Variants in KIF27 observed in about 807,000 individuals in gnomAD.
The protein encoded by KIF27 is kinesin-like protein KIF27.
KIF27 carries 84 observed loss-of-function variants against 141.8 expected under a neutral mutation model. That is an observed-to-expected ratio of 0.59 (90% confidence interval 0.50 to 0.71). KIF27 has a LOEUF of 0.71. KIF27 is among the 30% of genes least tolerant of loss of function. KIF27 has a pLI of 0.00. For missense variants in KIF27, 1,306 were observed against 1,628.4 expected, an observed-to-expected ratio of 0.80 and a Z score of 3.41; for synonymous variants, 471 against 569.5, an observed-to-expected ratio of 0.83 and a Z score of 2.46.
rs1014243000 is a variant in KIF27 at position 83,921,359 on chromosome 9, C to G, written c.-88+12G>C. On this transcript the variant is annotated intron_variant, in intron 1 of 17. Coordinates refer to ENST00000297814, the MANE Select transcript of KIF27 (RefSeq NM_017576.4). ...TTCCCCGCACCGCCCGCCAGGCCCG[C>G]CGAGCACTGACCGGCTCGGGACAGC... 6.6e-6 allele frequency: 1 copy of G among 152,086 alleles called. No individual in the cohort carries two copies. The highest frequency in any genetic ancestry group is 1.5e-5 in the Non-Finnish European group (1 of 68,056). The allele number at this position is 152,086 out of a possible 1,614,324, so 9.4% of individuals were successfully genotyped here. A position where few individuals can be genotyped will look rare whatever the true frequency, so the allele number is the denominator to read the frequency against.
intron 11 of KIF27, 75 bp from the exon 12 acceptor site, chr9:83,870,707 CTTTTTTTTTTTTT>C: frequency 7.9e-7 from 1 of 1,260,756 alleles, no homozygotes; most frequent in Non-Finnish European, 1.0e-6. Context: ...CAATTATTTT[CTTTTTTTTTTTTT>C]TTTTTTTGGA....
chr9:83,867,882 A>G (rs753968315), intron 12 of KIF27, 22 bp from the exon 13 acceptor site: 1 of 1,556,982 alleles, frequency 6.4e-7, no homozygotes, highest in African/African-American at 1.4e-5. Flanking sequence ...TTAAAAAAAA[A>G]GTTACTTGTT....
intron 16 of KIF27, chr9:83,847,720 A>G (rs946244768): frequency 3.3e-5 from 5 of 152,088 alleles, no homozygotes; most frequent in African/African-American, 7.2e-5. Context: ...TAAGCTGCCA[A>G]TGAATATAAA....
intron 6 of KIF27, among the ~76,000 whole-genome samples, chr9:83,890,836 CCACA>C (rs202163089): frequency 2.6e-5 from 4 of 152,166 alleles, no homozygotes; most frequent in Non-Finnish European, 5.9e-5. Context: ...TATTTACCAA[CCACA>C]CACAAACTAA....
intron 5 of KIF27, among the ~76,000 whole-genome samples, chr9:83,891,752 G>A (rs1290113386): frequency 7.2e-5 from 11 of 152,024 alleles, no homozygotes; most frequent in Admixed American, 5.2e-4. Context: ...AAGATAACAC[G>A]CCATCCACTG....
chr9:83,871,924 A>G (rs889535630), intron 11 of KIF27, among the ~76,000 whole-genome samples: 9 of 150,192 alleles, frequency 6.0e-5, no homozygotes, highest in African/African-American at 2.2e-4. Context: ...CTGGTCTCGA[A>G]CTCCTGACCT....
Position 83,903,753 on chromosome 9 carries a change from C to G in KIF27, c.765G>C (p.Gly255=). 1.9e-6 allele frequency: 3 copies of G among 1,614,184 alleles called. No individual in the cohort carries two copies. The highest frequency in any genetic ancestry group is 2.5e-6 in the Non-Finnish European group (3 of 1,180,038). The part of the protein sequence containing the change: ...LAGSERVTKT[G]NTGERFKESI... The stretch of plus-strand genomic sequence containing the variant: ...ATTCTTTGAACCGTTCACCAGTATT[C>G]CCCGTTTTGGTTACTCTTTCTGATC... The change falls in exon 4 of 18, where the codon GGG becomes GGC. Residue 255 remains glycine (G), a synonymous_variant. Transcript: ENST00000297814.
At chr9:83,851,922 G>T (rs1326285984) in intron 15 of KIF27, among the ~76,000 whole-genome samples, 1 of 151,802 alleles carries the variant, frequency 6.6e-6, no homozygotes, top group African/African-American at 2.4e-5. Flanking sequence ...GAGGTCAGGA[G>T]TTTGAGACCA....
intron 1 of KIF27, among the ~76,000 whole-genome samples, chr9:83,920,988 T>C (rs1956215917): frequency 6.6e-6 from 1 of 152,032 alleles, no homozygotes. Flanking sequence ...GCGTCGCACC[T>C]CACGCCGTGC....
At chr9:83,896,029 A>G in intron 5 of KIF27, among the ~76,000 whole-genome samples, 1 of 130,818 alleles carries the variant, frequency 7.6e-6, no homozygotes, top group Non-Finnish European at 1.6e-5. Flanking sequence ...TCCAGCCTGG[A>G]TGACAGAGTG....
intron 17 of KIF27, among the ~76,000 whole-genome samples, chr9:83,840,357 TA>T (rs2131476729): frequency 6.6e-6 from 1 of 152,280 alleles, no homozygotes; most frequent in African/African-American, 2.4e-5. Context: ...TCTCCAACGT[TA>T]TTATCAAGAC....
chr9:83,908,721 T>A (rs1387170160), intron 2 of KIF27, 69 bp from the exon 3 acceptor site: 1 of 918,148 alleles, frequency 1.1e-6, no homozygotes, highest in Non-Finnish European at 1.6e-6. Flanking sequence ...CCCAAATTTA[T>A]AGTTAATTTA....
intron 11 of KIF27, 80 bp from the exon 12 acceptor site, chr9:83,870,712 T>A: frequency 7.3e-7 from 1 of 1,364,236 alleles, no homozygotes; most frequent in Non-Finnish European, 9.7e-7. Context: ...ATTTTCTTTT[T>A]TTTTTTTTTT....
intron 2 of KIF27, among the ~76,000 whole-genome samples, chr9:83,909,064 C>A (rs1245852457): frequency 6.6e-6 from 1 of 152,156 alleles, no homozygotes; most frequent in Non-Finnish European, 1.5e-5. Context: ...TAGGACTCTG[C>A]AATCCACCAA....
intron 1 of KIF27, among the ~76,000 whole-genome samples, chr9:83,917,079 C>T (rs1259867119): frequency 6.6e-6 from 1 of 151,872 alleles, no homozygotes; most frequent in Non-Finnish European, 1.5e-5. Flanking sequence ...GTGTGCTGCA[C>T]CCATTAACTT....
At chr9:83,879,088 G>A (rs1247837803) in intron 11 of KIF27, among the ~76,000 whole-genome samples, 5 of 150,156 alleles carry the variant, frequency 3.3e-5, no homozygotes, top group Admixed American at 2.7e-4. Flanking sequence ...TGAGGCAGGA[G>A]AATCACTTGA....
intron 13 of KIF27, 65 bp downstream of exon 13, chr9:83,867,619 G>A: frequency 6.8e-7 from 1 of 1,470,196 alleles, no homozygotes; most frequent in Non-Finnish European, 9.0e-7. Flanking sequence ...TCTGATTATA[G>A]CCATCCTAGT....
intron 11 of KIF27, among the ~76,000 whole-genome samples, chr9:83,877,138 A>G (rs1951265727): frequency 6.6e-6 from 1 of 152,204 alleles, no homozygotes; most frequent in African/African-American, 2.4e-5. Context: ...ACATAGTGAA[A>G]TGATTACTAT....
Position 83,899,683 on chromosome 9 carries a change from G to C in KIF27, c.1580C>G (p.Ala527Gly), listed in dbSNP as rs550945409. The change falls in exon 5 of 18, where the codon GCG (alanine) becomes GGG (glycine). Residue 527 changes from alanine (A) to glycine (G), a missense_variant. By Grantham distance (60) the Ala-to-Gly change is moderately conservative. This residue lies in a region of KIF27 where 596 missense variants were observed against 751.6 expected (regional missense o/e 0.79). Transcript: ENST00000297814. The part of the protein sequence containing the change: ...NKGHAVSLKE[A>G]QKVNRLQNEK... Reference sequence around the variant, plus strand: ...TACCTGCAGTCTATTCACTTTTTGCGCTTCTTTCAAAGATACAGCATGCCC... The same window carrying C: ...TACCTGCAGTCTATTCACTTTTTGCCCTTCTTTCAAAGATACAGCATGCCC... 1.2e-6 allele frequency: 2 copies of C among 1,613,110 alleles called. No homozygotes were observed. Among genetic ancestry groups the C allele is most frequent in the East Asian group, 2.2e-5 (1 of 44,816 alleles).
Sources: allele counts gnomAD v4.1 joint callset (sites outside exome capture counted in the v4.1 genomes callset), GRCh38; gene constraint gnomAD v4.1.1; regional missense constraint gnomAD v4.1.1; transcripts MANE v1.5; gene names NCBI Gene and HGNC (gene_info 2026-07-23, HGNC 2026-07-21).